The following SLC15A3 variants were observed in gnomAD, a reference collection of about 807,000 sequenced individuals.
SLC15A3 encodes solute carrier family 15 member 3, also known as osteoclast transporter.
SLC15A3 carries 39 observed loss-of-function variants against 49.2 expected under a neutral mutation model. The observed-to-expected ratio is 0.79, with a 90% CI of 0.61 to 1.04. SLC15A3 has a LOEUF of 1.04. Among genes scored for constraint, SLC15A3 ranks in the 50% least tolerant of loss-of-function variants. The pLI is 0.00. For missense variants in SLC15A3, 758 were observed against 794.8 expected, an observed-to-expected ratio of 0.95 and a Z score of 0.56; for synonymous variants, 339 against 367.0, an observed-to-expected ratio of 0.92 and a Z score of 0.87.
rs183899877 is a variant in SLC15A3, at chr11:60,946,538, G to C, written c.842C>G (p.Ser281Trp). 6.4e-7 allele frequency: 1 copy of C among 1,558,938 alleles called. No homozygotes were observed. The highest frequency in any genetic ancestry group is 2.3e-5 in the East Asian group (1 of 44,246). The change falls in exon 2 of 8, where the codon TCG (serine) becomes TGG (tryptophan). Residue 281 changes from serine (S) to tryptophan (W), a missense_variant. Around this residue, in one of 3 missense-constraint regions of SLC15A3, gnomAD observed 699 missense variants for 706.7 expected, o/e 0.99. Coordinates refer to ENST00000227880, the MANE Select transcript of SLC15A3 (RefSeq NM_016582.3). The stretch of plus-strand genomic sequence containing the variant: ...ACCCAGAGCCCCTCCTTACCTGGCC[G>C]AGTGTCGTTGCCACAGCTGGGGGCA... The part of the protein sequence containing the change: ...NCCPQLWQRH[S>W]ARDRQCARVL...
intron 2 of SLC15A3, among the ~76,000 whole-genome samples, chr11:60,944,850 C>A (rs1007489281): frequency 3.9e-5 from 6 of 152,170 alleles, no homozygotes; most frequent in African/African-American, 9.7e-5. Flanking sequence ...TACCCTTTGC[C>A]CTTTGCCCTT....
At chr11:60,950,551 GC>G (rs1322104518) in intron 1 of SLC15A3, among the ~76,000 whole-genome samples, 1 of 152,096 alleles carries the variant, frequency 6.6e-6, no homozygotes, top group Non-Finnish European at 1.5e-5. Context: ...ACTTTGGGAG[GC>G]CTAGGCAGGT....
At chr11:60,937,843 C>A in intron 7 of SLC15A3, 27 bp downstream of exon 7, 6 of 1,606,012 alleles carry the variant, frequency 3.7e-6, no homozygotes, top group Non-Finnish European at 5.1e-6. Flanking sequence ...CATCCATGTC[C>A]CACTCCTGGG....
chr11:60,946,804 G>A lies in SLC15A3; in HGVS notation c.576C>T (p.Arg192=), dbSNP rs114034576. Reference sequence around the variant, plus strand: ...AGTTGAAGAAGCGGCGGGTGGCGTCGCGGCCGAGATCCATCACCTGCCATT... The same window carrying A: ...AGTTGAAGAAGCGGCGGGTGGCGTCACGGCCGAGATCCATCACCTGCCATT... ...FGADQVMDLG[R]DATRRFFNWF... is the part of the protein sequence containing the mutation. The change falls in exon 2 of 8, where the codon CGC becomes CGT. Residue 192 remains arginine, a synonymous_variant. Transcript: ENST00000227880. 2,384 of 1,610,768 alleles carry A rather than the reference G, an allele frequency of 1.5e-3. 31 individuals carry two copies. In the African/African-American group the frequency reaches 0.028, roughly 19 times the overall value.
intron 6 of SLC15A3, among the ~76,000 whole-genome samples, chr11:60,938,377 A>G (rs1264905082): frequency 3.9e-5 from 6 of 151,910 alleles, no homozygotes; most frequent in African/African-American, 1.5e-4. Context: ...TCATCGTCAA[A>G]TTGTTTTGAT....
At chr11:60,949,498 A>AGGAAAGAAAGAAAGAAAGAAAG (rs1856863670) in intron 1 of SLC15A3, among the ~76,000 whole-genome samples, 2 of 142,020 alleles carry the variant, frequency 1.4e-5, no homozygotes, top group African/African-American at 5.2e-5. Context: ...GAAAGAAAGA[A>AGGAAAGAAAGAAAGAAAGAAAG]AGAAGGAAAG....
In SLC15A3 at chr11:60,942,105, A is replaced by T; in HGVS notation, c.1037T>A (p.Ile346Asn). Reference sequence around the variant, plus strand: ...CGGGTTGGCTGGGAAAATGTTTGGGATGTGGAGGTGAAGACCCTGCAGGAC... The same window carrying T: ...CGGGTTGGCTGGGAAAATGTTTGGGTTGTGGAGGTGAAGACCCTGCAGGAC... ...TYVLQGLHLHIPNIFPANPAN... is the reference protein window; with the variant it reads ...TYVLQGLHLHNPNIFPANPAN... Residue 346 changes from isoleucine to asparagine, a missense_variant, in exon 4 of 8, where the codon ATC becomes AAC. Ile to Asn is a moderately radical substitution (Grantham distance 149, BLOSUM62 -3). Around this residue, in one of 3 missense-constraint regions of SLC15A3, gnomAD observed 699 missense variants for 706.7 expected, o/e 0.99. Transcript: ENST00000227880. The T allele has an allele frequency of 1.1e-5, 18 of 1,612,802 alleles. No homozygotes were observed. The highest frequency in any genetic ancestry group is 1.4e-5 in the Non-Finnish European group (17 of 1,179,416).
rs1856631616 is a variant in SLC15A3 at position 60,937,313 on chromosome 11, AC to A, written c.1651del (p.Val551SerfsTer63). ...YFFLLAGIQA[V>X]TALLFVWIAG... Reference sequence around the variant, plus strand: ...GATCCAGACAAATAGGAGAGCCGTGACGGCCTGAATGCCAGCCAGCAGGAAG... The same window carrying A: ...GATCCAGACAAATAGGAGAGCCGTGAGGCCTGAATGCCAGCCAGCAGGAAG... On this transcript the variant is annotated frameshift_variant, in exon 8 of 8. Transcript: ENST00000227880. LOFTEE classifies it low-confidence loss of function (END_TRUNC). 6.2e-7 allele frequency: 1 copy of A among 1,614,058 alleles called. No individual in the cohort carries two copies. The highest frequency in any genetic ancestry group is 1.7e-5 in the Admixed American group (1 of 60,006).
chr11:60,946,851 G>T (rs781291333), intron 1 of SLC15A3, 30 bp from the exon 2 acceptor site: 89 of 1,588,994 alleles, frequency 5.6e-5, no homozygotes, highest in Non-Finnish European at 7.0e-5. Context: ...GACAGTGAGG[G>T]CCAAAGGGGT....
At chr11:60,946,891 C>T in intron 1 of SLC15A3, 70 bp from the exon 2 acceptor site, 2 of 1,497,828 alleles carry the variant, frequency 1.3e-6, no homozygotes, top group Non-Finnish European at 1.8e-6. Context: ...CATACCCCTC[C>T]CTCCTACAGA....
rs1204522446 is a variant in SLC15A3, at chr11:60,937,289, A to T, written c.1676T>A (p.Ile559Asn). 2 of 1,614,062 alleles carry T rather than the reference A, an allele frequency of 1.2e-6. No homozygotes were observed. ...GGACGCCCTCTCATAGCGTCCAGCG[A>T]TCCAGACAAATAGGAGAGCCGTGAC... ...QAVTALLFVW[I>N]AGRYERASQG... Residue 559 changes from isoleucine to asparagine, a missense_variant, in exon 8 of 8, where the codon ATC (isoleucine) becomes AAC (asparagine). Physicochemically the swap from Ile to Asn is moderately radical, Grantham distance 149 (BLOSUM62 -3). Transcript: ENST00000227880.
chr11:60,939,767 G>T, intron 5 of SLC15A3, 129 bp from the exon 6 acceptor site: 1 of 1,133,824 alleles, frequency 8.8e-7, no homozygotes, highest in Non-Finnish European at 1.2e-6. Context: ...GCAAGGAAAA[G>T]AATGCTGGAC....
intron 2 of SLC15A3, 99 bp from the exon 3 acceptor site, chr11:60,943,935 A>G (rs1466840200): frequency 1.6e-6 from 2 of 1,216,214 alleles, no homozygotes; most frequent in African/African-American, 1.6e-5. Context: ...AGGCGGGTGG[A>G]TCACCTGAGG....
Position 60,950,071 on chromosome 11 carries a change from T to C in SLC15A3, c.558+923A>G, listed in dbSNP as rs190969342. Among the ~76,000 whole-genome samples the C allele has an allele frequency of 1.4e-4, 22 of 152,356 alleles. No individual in the cohort carries two copies. The East Asian group carries it at 4.0e-3, about 28-fold the overall frequency. The stretch of plus-strand genomic sequence containing the variant: ...AATTTCTTCTACGTGCCATGCTCTG[T>C]TCAAGGGGGAACGGAGAAAGGCTCA... On this transcript the variant is annotated intron_variant, in intron 1 of 7. Coordinates refer to ENST00000227880, the MANE Select transcript of SLC15A3 (RefSeq NM_016582.3).
chr11:60,943,494 C>T lies in SLC15A3; in HGVS notation c.996+195G>A, dbSNP rs576497641. 2.3e-4 allele frequency: 105 copies of T among 457,460 alleles called. No homozygotes were observed. The Middle Eastern group carries it at 2.4e-3, about 10-fold the overall frequency. 28.3% of individuals were successfully genotyped at this position (457,460 alleles called of 1,614,324 possible). On this transcript the variant is annotated intron_variant, in intron 3 of 7. Coordinates refer to ENST00000227880, the MANE Select transcript of SLC15A3 (RefSeq NM_016582.3). ...AAGCTGTCTCCAGAGTTCCTCTTGC[C>T]GTACCACCGAGGGAGTTGGATTGCT...
Position 60,951,515 on chromosome 11 carries a change from G to C in SLC15A3, c.37C>G (p.Pro13Ala), listed in dbSNP as rs1834521102. 1 of 1,213,974 alleles carries C rather than the reference G, an allele frequency of 8.2e-7. No individual in the cohort carries two copies. The highest frequency in any genetic ancestry group is 1.0e-6 in the Non-Finnish European group (1 of 973,128). 75.2% of individuals were successfully genotyped at this position (1,213,974 alleles called of 1,614,324 possible). A position where few individuals can be genotyped will look rare whatever the true frequency, so the allele number is the denominator to read the frequency against. The change falls in exon 1 of 8, where the codon CCC becomes GCC. Residue 13 changes from proline to alanine, a missense_variant. This residue lies in a region of SLC15A3 where 28 missense variants were observed against 29.7 expected (regional missense o/e 0.94). Coordinates refer to ENST00000227880, the MANE Select transcript of SLC15A3 (RefSeq NM_016582.3). Reference sequence around the variant, plus strand: ...GGCAGCAGCGGCTGGCGCTCCCCGGGCACGCGGGGCTGCTCCCGGGCGCGC... The same window carrying C: ...GGCAGCAGCGGCTGGCGCTCCCCGGCCACGCGGGGCTGCTCCCGGGCGCGC... ...APRAREQPRV[P>A]GERQPLLPRG...
chr11:60,946,843 C>A, intron 1 of SLC15A3, 22 bp from the exon 2 acceptor site: 1 of 1,595,344 alleles, frequency 6.3e-7, no homozygotes, highest in South Asian at 1.1e-5. Flanking sequence ...GAAGGGGTGA[C>A]AGTGAGGGCC....
chr11:60,937,230 C>G lies in SLC15A3; in HGVS notation c.1735G>C (p.Asp579His). The change falls in exon 8 of 8, where the codon GAC becomes CAC. Residue 579 changes from aspartate (D) to histidine (H), a missense_variant. By Grantham distance (81) the Asp-to-His change is moderately conservative. Coordinates refer to ENST00000227880, the MANE Select transcript of SLC15A3 (RefSeq NM_016582.3). Reference sequence around the variant, plus strand: ...GGAATAGGGCCTGTTCAGCCCCTGTCCCTGCTGAAACGGCTGTGGGAGGCT... The same window carrying G: ...GGAATAGGGCCTGTTCAGCCCCTGTGCCTGCTGAAACGGCTGTGGGAGGCT... ...GPASHSRFSR[D>H]RG 6.2e-7 allele frequency: 1 copy of G among 1,613,970 alleles called. No individual in the cohort carries two copies. The highest frequency in any genetic ancestry group is 8.5e-7 in the Non-Finnish European group (1 of 1,179,948).
intron 2 of SLC15A3, among the ~76,000 whole-genome samples, chr11:60,944,108 A>C (rs2134932122): frequency 6.6e-6 from 1 of 152,326 alleles, no homozygotes; most frequent in Middle Eastern, 3.4e-3. Context: ...GCAGTGAGCC[A>C]AGACTGTGCC....
Sources: allele counts gnomAD v4.1 joint callset (sites outside exome capture counted in the v4.1 genomes callset), GRCh38; gene constraint gnomAD v4.1.1; regional missense constraint gnomAD v4.1.1; transcripts MANE v1.5; gene names NCBI Gene and HGNC (gene_info 2026-07-23, HGNC 2026-07-21).